The following STAT3 variants were observed in gnomAD, a reference collection of about 807,000 sequenced individuals.
STAT3 encodes DNA-binding protein APRF.
STAT3 carries 7 observed loss-of-function variants against 114.3 expected under a neutral mutation model. The ratio of observed to expected loss-of-function variants is 0.06; its 90% CI spans 0.03 to 0.11. The LOEUF (loss-of-function observed/expected upper bound fraction) is 0.11, where lower values mean the gene tolerates loss of function less well. STAT3 is among the 10% of genes least tolerant of loss of function. The probability of loss-of-function intolerance (pLI) is 1.00; values close to 1 mark genes in which losing one functional copy is unlikely to be tolerated. For missense variants in STAT3, 364 were observed against 960.9 expected, an observed-to-expected ratio of 0.38 and a Z score of 8.21; for synonymous variants, 331 against 354.5, an observed-to-expected ratio of 0.93 and a Z score of 0.74.
intron 1 of STAT3, among the ~76,000 whole-genome samples, chr17:42,349,205 C>T (rs1313361011): frequency 6.6e-6 from 1 of 152,166 alleles, no homozygotes; most frequent in African/African-American, 2.4e-5. Flanking sequence ...GCTATTATGC[C>T]AGGTTCTAGA....
intron 1 of STAT3, among the ~76,000 whole-genome samples, chr17:42,365,642 TTTTTTTTTTG>T (rs1199258481): frequency 5.5e-5 from 8 of 145,616 alleles, no homozygotes; most frequent in East Asian, 3.9e-4. Flanking sequence ...TGTTAAAGTT[TTTTTTTTTTG>T]TTTTTTTTTG....
intron 14 of STAT3, among the ~76,000 whole-genome samples, 200 bp downstream of exon 14, chr17:42,329,210 C>T (rs1178754205): frequency 6.6e-6 from 1 of 152,234 alleles, no homozygotes; most frequent in African/African-American, 2.4e-5. Context: ...CCCAGATATT[C>T]ACGGAAATGT....
intron 1 of STAT3, among the ~76,000 whole-genome samples, chr17:42,361,769 T>G (rs1454266519): frequency 6.6e-6 from 1 of 152,036 alleles, no homozygotes; most frequent in Non-Finnish European, 1.5e-5. Flanking sequence ...GGCTCTCCTG[T>G]CAAGATATCT....
chr17:42,366,393 G>A (rs911578885), intron 1 of STAT3, among the ~76,000 whole-genome samples: 9 of 152,252 alleles, frequency 5.9e-5, no homozygotes, highest in South Asian at 2.1e-4. Context: ...GGAAGTGACC[G>A]GGCACAATGG....
Position 42,345,491 on chromosome 17 carries a change from T to C in STAT3, c.372+68A>G, listed in dbSNP as rs1196409140. On this transcript the variant is annotated intron_variant, in intron 4 of 23. Transcript: ENST00000264657. ...CTTTTTTAGTAGATCTAATAATTTA[T>C]CTCATTATAAAGTTGTTTGATTTTC... The C allele has an allele frequency of 3.9e-6, 5 of 1,275,704 alleles. No homozygotes were observed. In the African/African-American group the frequency reaches 7.4e-5, roughly 19 times the overall value. The allele number at this position is 1,275,704 out of a possible 1,614,324, so 79.0% of individuals were successfully genotyped here.
At position 42,337,765 on chromosome 17, in the gene STAT3, T is replaced by C. The variant is rs753370239; in HGVS notation, c.643A>G (p.Arg215Gly). 2.5e-6 allele frequency: 4 copies of C among 1,614,122 alleles called. No homozygotes were observed. The highest frequency in any genetic ancestry group is 2.5e-6 in the Non-Finnish European group (3 of 1,180,044). Residue 215 changes from arginine to glycine, a missense_variant and splice_region_variant, in exon 7 of 24, where the codon AGA becomes GGA. By Grantham distance (125) the Arg-to-Gly change is moderately radical. This residue lies in a region of STAT3 where 294 missense variants were observed against 745.1 expected (regional missense o/e 0.39). Transcript: ENST00000264657. The surrounding 1 kb of genome is among the most constrained non-coding windows in gnomAD (Gnocchi z 4.0). The stretch of plus-strand genomic sequence containing the variant: ...AGTGGTCCGACCTATGCCCTTACTC[T>C]CCGCATCTGGTCCAGCGCAGTGAGC... ...QMLTALDQMR[R>G]SIVSELAGLL...
At chr17:42,335,585 TAGAG>T (rs1459287838) in intron 8 of STAT3, among the ~76,000 whole-genome samples, 1 of 152,126 alleles carries the variant, frequency 6.6e-6, no homozygotes, top group Non-Finnish European at 1.5e-5. Flanking sequence ...AATAAGTGAA[TAGAG>T]AGGGAGAAAA....
At chr17:42,345,734 C>T in intron 3 of STAT3, 77 bp from the exon 4 acceptor site, 8 of 1,267,316 alleles carry the variant, frequency 6.3e-6, no homozygotes, top group Non-Finnish European at 9.0e-6. Flanking sequence ...CACCTTAAAA[C>T]TAATGTATTC....
chr17:42,355,516 A>G (rs1367295202), intron 1 of STAT3, among the ~76,000 whole-genome samples: 1 of 152,222 alleles, frequency 6.6e-6, no homozygotes, highest in East Asian at 1.9e-4. Flanking sequence ...GATGCACTGT[A>G]CAAAGGCAAG....
intron 1 of STAT3, among the ~76,000 whole-genome samples, chr17:42,361,516 G>A (rs984086443): frequency 6.6e-6 from 1 of 151,674 alleles, no homozygotes; most frequent in African/African-American, 2.4e-5. Context: ...TGATGCTAAA[G>A]TGAGGCCAAA....
chr17:42,316,511 C>T, intron 23 of STAT3: 1 of 783,286 alleles, frequency 1.3e-6, no homozygotes. Context: ...GAGCCACTCA[C>T]CCAGCCTCAA....
Position 42,386,290 on chromosome 17 carries a change from A to G in STAT3, c.-24+1989T>C, listed in dbSNP as rs982849391. Among the ~76,000 whole-genome samples, 83 of 151,996 alleles carry G rather than the reference A, an allele frequency of 5.5e-4. 1 individual carries two copies. The Middle Eastern group carries it at 0.014, about 25-fold the overall frequency. On this transcript the variant is annotated intron_variant, in intron 1 of 23. Transcript: ENST00000264657. ...AGCAAGACTCTGACTCAAAAAAAAA[A>G]AAAAAAAGAATTTCACTGATACTTT...
intron 15 of STAT3, 46 bp downstream of exon 15, chr17:42,326,070 G>T: frequency 6.4e-7 from 1 of 1,553,118 alleles, no homozygotes; most frequent in Non-Finnish European, 8.9e-7. Context: ...TTTGTCCTGA[G>T]TCACCCCTGT....
Position 42,315,488 on chromosome 17 carries a change from C to T in STAT3, c.*257G>A, listed in dbSNP as rs1434582700. The T allele has an allele frequency of 1.7e-6, 1 of 591,796 alleles. No individual in the cohort carries two copies. Among genetic ancestry groups the T allele is most frequent in the Non-Finnish European group, 3.0e-6 (1 of 331,932 alleles). The allele number at this position is 591,796 out of a possible 1,614,324, so 36.7% of individuals were successfully genotyped here. A position where few individuals can be genotyped will look rare whatever the true frequency, so the allele number is the denominator to read the frequency against. Reference sequence around the variant, plus strand: ...TTTTTCTCCCTCTAGCCACCCCCCGCCACATCCCCTGATCATGGGTCTCAG... The same window carrying T: ...TTTTTCTCCCTCTAGCCACCCCCCGTCACATCCCCTGATCATGGGTCTCAG... On this transcript the variant is annotated 3_prime_UTR_variant, in exon 24 of 24. Coordinates refer to ENST00000264657, the MANE Select transcript of STAT3 (RefSeq NM_139276.3).
chr17:42,384,137 T>TTA (rs1567764253), intron 1 of STAT3, among the ~76,000 whole-genome samples: 1 of 149,908 alleles, frequency 6.7e-6, no homozygotes, highest in African/African-American at 2.4e-5. Flanking sequence ...TATTTATTTT[T>TTA]TTTTTTTTTG....
chr17:42,326,146 C>T lies in STAT3; in HGVS notation c.1335G>A (p.Val445=), dbSNP rs1415449244. 3.7e-6 allele frequency: 6 copies of T among 1,614,012 alleles called. No individual in the cohort carries two copies. The highest frequency in any genetic ancestry group is 3.3e-5 in the Admixed American group (2 of 60,010). The change falls in exon 15 of 24, where the codon GTG becomes GTA. Residue 445 remains valine, a synonymous_variant. Transcript: ENST00000264657. ...GGTCAATCTTGAGGCCTTGGTGATA[C>T]ACCTCGGTCTCAAAGGTGATCAGGT... ...ELHLITFETE[V]YHQGLKIDLE...
chr17:42,367,534 C>T (rs71377277), intron 1 of STAT3, among the ~76,000 whole-genome samples: 2,198 of 152,154 alleles, frequency 0.014, 54 homozygotes, highest in African/African-American at 0.05. Flanking sequence ...TTGCCCGTTT[C>T]TGCCCTAGGA....
chr17:42,353,611 G>C (rs1270360453), intron 1 of STAT3, among the ~76,000 whole-genome samples: 1 of 152,092 alleles, frequency 6.6e-6, no homozygotes, highest in Non-Finnish European at 1.5e-5. Flanking sequence ...GTCTCTCTCT[G>C]TCACCCAGGC....
intron 1 of STAT3, among the ~76,000 whole-genome samples, chr17:42,355,495 A>T (rs977420636): frequency 1.3e-5 from 2 of 152,226 alleles, no homozygotes; most frequent in Non-Finnish European, 2.9e-5. Context: ...AGGTTAAGTC[A>T]GCAGATAGTA....
Sources: gnomAD v4.1 joint callset for allele counts (sites outside exome capture counted in the v4.1 genomes callset) on GRCh38, gnomAD v4.1.1 for gene constraint, gnomAD v4.1.1 regional missense constraint, Gnocchi (gnomAD v3.1) non-coding constraint, MANE v1.5 for transcripts, NCBI Gene and HGNC (gene_info 2026-07-23, HGNC 2026-07-21) for gene names.